WNK3: variants seen among roughly 807,000 people sequenced by gnomAD.
The protein encoded by WNK3 is serine/threonine-protein kinase WNK3.
A neutral mutation model predicts 116.7 loss-of-function variants in WNK3; 18 were observed. The observed-to-expected ratio is 0.15, with a 90% confidence interval of 0.11 to 0.23. The LOEUF is 0.23. Among genes scored for constraint, WNK3 ranks in the 10% least tolerant of loss-of-function variants. WNK3 has a pLI of 1.00. For synonymous variants in WNK3, 404 were observed against 469.4 expected, an observed-to-expected ratio of 0.86 and a Z score of 1.80; for missense variants, 993 against 1,323.8, an observed-to-expected ratio of 0.75 and a Z score of 3.88.
Position 54,237,021 on chromosome X carries a change from C to T in WNK3, c.4545G>A (p.Ser1515=), listed in dbSNP as rs782589346. 4.1e-6 allele frequency: 5 copies of T among 1,209,851 alleles called. No individual in the cohort carries two copies. In the South Asian group the frequency reaches 5.3e-5, roughly 13 times the overall value. Residue 1515 remains serine (S), a synonymous_variant, in exon 20 of 24, where the codon TCG becomes TCA. Coordinates refer to ENST00000354646, the Ensembl canonical transcript of WNK3. Reference sequence around the variant, plus strand: ...CATCACTGCTCATTGGGGAAGATGGCGAATAGAAGAGTGAACTCTGTGTTT... The same window carrying T: ...CATCACTGCTCATTGGGGAAGATGGTGAATAGAAGAGTGAACTCTGTGTTT...
intron 1 of WNK3, among the ~76,000 whole-genome samples, chrX:54,348,461 T>C (rs1315598965): frequency 2.7e-5 from 3 of 111,870 alleles, no homozygotes; most frequent in Non-Finnish European, 5.6e-5. Flanking sequence ...TGTGAGCCAC[T>C]GTGCCCTGCC....
At chrX:54,305,734 T>C (rs1438595704) in intron 5 of WNK3, among the ~76,000 whole-genome samples, 1 of 110,327 alleles carries the variant, frequency 9.1e-6, no homozygotes, top group Non-Finnish European at 1.9e-5. Flanking sequence ...AACTGAAGAT[T>C]GCACCTATCT....
At chrX:54,267,913 A>G (rs1347342428) in intron 10 of WNK3, among the ~76,000 whole-genome samples, 1 of 111,292 alleles carries the variant, frequency 9.0e-6, no homozygotes, top group African/African-American at 3.3e-5. Context: ...GGGGTGGTGG[A>G]AAGTGCAAAT....
At chrX:54,350,113 T>TAAA (rs1488092514) in intron 1 of WNK3, among the ~76,000 whole-genome samples, 1 of 111,288 alleles carries the variant, frequency 9.0e-6, no homozygotes. Context: ...CATGTGGACT[T>TAAA]AAAAGCTAAA....
intron 8 of WNK3, 83 bp downstream of exon 8, chrX:54,294,461 AATAGGTCAT>A: frequency 1.4e-6 from 1 of 709,427 alleles, no homozygotes; most frequent in Non-Finnish European, 2.0e-6. Flanking sequence ...AAAGAAACAA[AATAGGTCAT>A]TGACCACTGC....
intron 1 of WNK3, among the ~76,000 whole-genome samples, chrX:54,355,460 AG>A (rs1189312076): frequency 1.8e-5 from 2 of 111,173 alleles, no homozygotes; most frequent in African/African-American, 6.5e-5. Flanking sequence ...AACTCTAAAG[AG>A]GGGGACCTAA....
At chrX:54,332,657 C>T (rs1202892916) in intron 2 of WNK3, among the ~76,000 whole-genome samples, 12 of 110,569 alleles carry the variant, frequency 1.1e-4, no homozygotes, top group Admixed American at 9.7e-4. Flanking sequence ...GAGGCCAAGG[C>T]GGGAGGATCA....
chrX:54,344,192 C>T (rs1157120039), intron 1 of WNK3, among the ~76,000 whole-genome samples: 1 of 112,424 alleles, frequency 8.9e-6, no homozygotes, highest in Non-Finnish European at 1.9e-5. Flanking sequence ...GCCTGTAATT[C>T]CAGCACTTTG....
intron 22 of WNK3, among the ~76,000 whole-genome samples, chrX:54,212,200 TG>T (rs2067623988): frequency 8.9e-6 from 1 of 112,500 alleles, no homozygotes; most frequent in South Asian, 3.6e-4. Context: ...CACTCCAGCC[TG>T]TGGGACAGAG....
chrX:54,215,041 C>T (rs2067668125), intron 22 of WNK3, among the ~76,000 whole-genome samples: 1 of 97,972 alleles, frequency 1.0e-5, no homozygotes, highest in East Asian at 3.5e-4. Flanking sequence ...GGTGTGAACC[C>T]GGGAGGCGGA....
At chrX:54,354,505 G>A (rs1389321050) in intron 1 of WNK3, among the ~76,000 whole-genome samples, 15 of 110,069 alleles carry the variant, frequency 1.4e-4, no homozygotes, top group African/African-American at 5.0e-4. Context: ...AGCCCTCCAG[G>A]AACAACAGTT....
At chrX:54,220,584 C>A (rs1557146326) in intron 22 of WNK3, among the ~76,000 whole-genome samples, 1 of 110,969 alleles carries the variant, frequency 9.0e-6, no homozygotes, top group Non-Finnish European at 1.9e-5. Flanking sequence ...TATTTTTTTA[C>A]ATTATTTCCC....
chrX:54,297,695 A>G (rs1451773473), intron 7 of WNK3, among the ~76,000 whole-genome samples: 1 of 111,759 alleles, frequency 8.9e-6, no homozygotes, highest in Non-Finnish European at 1.9e-5. Context: ...TAATAAATGT[A>G]GAGCTTTATT....
intron 10 of WNK3, among the ~76,000 whole-genome samples, chrX:54,276,171 C>A (rs1442648165): frequency 9.1e-6 from 1 of 110,416 alleles, no homozygotes; most frequent in African/African-American, 3.3e-5. Flanking sequence ...AGAAACTCGT[C>A]TCTACTAAAA....
At chrX:54,294,416 G>C (rs1424032174) in intron 8 of WNK3, 137 bp downstream of exon 8, 2 of 430,703 alleles carry the variant, frequency 4.6e-6, no homozygotes, top group Non-Finnish European at 7.5e-6. Flanking sequence ...GAGCACAGAA[G>C]TGCTATTTAA....
intron 4 of WNK3, 149 bp downstream of exon 4, chrX:54,308,946 G>T: frequency 2.1e-6 from 1 of 473,727 alleles, no homozygotes. Context: ...ATGAGTGAGT[G>T]TGACTGTGTT....
In WNK3 at chrX:54,305,749, G is replaced by A. The variant is rs114644876; in HGVS notation, c.1089+2173C>T. 7.6e-3 allele frequency among the ~76,000 whole-genome samples: 839 copies of A among 110,314 alleles called. 9 individuals carry two copies. The highest frequency in any genetic ancestry group is 0.026 in the African/African-American group (801 of 30,458). ...AACTGAAGATTGCACCTATCTCGTA[G>A]GGGATAAAGATTAAAGTATGTGGTG... On this transcript the variant is annotated intron_variant, in intron 5 of 23. Transcript: ENST00000354646.
chrX:54,263,130 G>A (rs1216775957), intron 10 of WNK3, among the ~76,000 whole-genome samples: 5 of 110,039 alleles, frequency 4.5e-5, no homozygotes, highest in African/African-American at 1.7e-4. Context: ...CCCATTAGTG[G>A]TTCTCAGCCC....
At chrX:54,327,096 C>A (rs782067846) in intron 2 of WNK3, among the ~76,000 whole-genome samples, 1 of 111,944 alleles carries the variant, frequency 8.9e-6, no homozygotes, top group South Asian at 3.7e-4. Flanking sequence ...ATATGAAAAA[C>A]TTGAAATGCA....
Sources: gnomAD v4.1 joint callset for allele counts (sites outside exome capture counted in the v4.1 genomes callset) on GRCh38, gnomAD v4.1.1 for gene constraint, MANE v1.5 for transcripts, NCBI Gene and HGNC (gene_info 2026-07-23, HGNC 2026-07-21) for gene names.